Variants in C6 observed in about 807,000 individuals in gnomAD.
C6 encodes complement C6.
C6 carries 101 observed loss-of-function variants against 112.9 expected under a neutral mutation model. The observed-to-expected ratio is 0.89, with a 90% CI of 0.76 to 1.06. C6 has a LOEUF of 1.06. Ranked by LOEUF, C6 falls within the 50% of genes least tolerant of loss-of-function variation. C6 has a pLI of 0.00. For synonymous variants in C6, 431 were observed against 384.1 expected, an observed-to-expected ratio of 1.12 and a Z score of -1.43; for missense variants, 1,202 against 1,104.6, an observed-to-expected ratio of 1.09 and a Z score of -1.25.
chr5:41,163,709 C>T (rs996801719), intron 9 of C6, among the ~76,000 whole-genome samples: 2 of 152,130 alleles, frequency 1.3e-5, no homozygotes, highest in Admixed American at 1.3e-4. Context: ...CCATTTTTTA[C>T]ATTTGCATAT....
chr5:41,247,725 A>G (rs1038078070), intron 1 of C6, among the ~76,000 whole-genome samples: 1 of 151,924 alleles, frequency 6.6e-6, no homozygotes, highest in Non-Finnish European at 1.5e-5. Context: ...CTCAGAAAAA[A>G]AAAAAAAAAA....
intron 4 of C6, 40 bp from the exon 5 acceptor site, chr5:41,195,973 T>G (rs1205576850): frequency 1.2e-6 from 2 of 1,610,186 alleles, no homozygotes; most frequent in South Asian, 1.1e-5. Flanking sequence ...CAACAAATTA[T>G]CATTTTAGAA....
At chr5:41,239,882 G>A (rs1180175241) in intron 1 of C6, among the ~76,000 whole-genome samples, 1 of 152,204 alleles carries the variant, frequency 6.6e-6, no homozygotes, top group East Asian at 1.9e-4. Flanking sequence ...GCTGGATATA[G>A]TGTCCTTGTC....
At chr5:41,153,714 C>T (rs1161283627) in intron 15 of C6, 96 bp downstream of exon 15, 1 of 954,964 alleles carries the variant, frequency 1.0e-6, no homozygotes, top group African/African-American at 1.6e-5. Context: ...TTTTTAGCCT[C>T]TCAGTGCTTA....
intron 15 of C6, among the ~76,000 whole-genome samples, chr5:41,151,213 A>C (rs1746363177): frequency 6.6e-6 from 1 of 152,180 alleles, no homozygotes; most frequent in Non-Finnish European, 1.5e-5. Flanking sequence ...CTAATCTATG[A>C]GGTTATTGTG....
chr5:41,162,114 C>G, intron 9 of C6, among the ~76,000 whole-genome samples: 1 of 152,166 alleles, frequency 6.6e-6, no homozygotes, highest in East Asian at 1.9e-4. Flanking sequence ...TTACACACAT[C>G]TTATATAATT....
At chr5:41,241,988 G>A (rs548811742) in intron 1 of C6, among the ~76,000 whole-genome samples, 1 of 152,266 alleles carries the variant, frequency 6.6e-6, no homozygotes, top group South Asian at 2.1e-4. Flanking sequence ...ATAGTCCTAA[G>A]AGGGAGCTTA....
At position 41,161,741 on chromosome 5, in the gene C6, A is replaced by G; in HGVS notation, c.1410T>C (p.Ser470=). The G allele has an allele frequency of 6.2e-7, 1 of 1,613,686 alleles. No individual in the cohort carries two copies. Among genetic ancestry groups the G allele is most frequent in the Non-Finnish European group, 8.5e-7 (1 of 1,179,694 alleles). Residue 470 remains serine (S), a synonymous_variant, in exon 10 of 18, where the codon TCT becomes TCC. Coordinates refer to ENST00000337836, the MANE Select transcript of C6 (RefSeq NM_000065.5). ...GSSGLEEKTF[S]EWLESVKENP... is the part of the protein sequence containing the mutation. ...TTTCCTTCACTGATTCTAACCACTC[A>G]GAAAATGTCTTCTCCTCCAGACCAG... is the stretch of plus-strand genomic sequence containing the variant.
At chr5:41,202,549 G>A (rs1751108027) in intron 2 of C6, among the ~76,000 whole-genome samples, 1 of 152,116 alleles carries the variant, frequency 6.6e-6, no homozygotes, top group African/African-American at 2.4e-5. Flanking sequence ...CCTAACATGT[G>A]AGCATTTCCA....
chr5:41,217,209 A>G (rs1752226130), upstream of C6, among the ~76,000 whole-genome samples: 1 of 152,098 alleles, frequency 6.6e-6, no homozygotes, highest in Non-Finnish European at 1.5e-5. Flanking sequence ...CAGATGCTAC[A>G]TGATTCCTCC....
rs557864913 is a variant in C6, at chr5:41,160,235, G to A, written c.1591C>T (p.Arg531Ter). 1.1e-5 allele frequency: 17 copies of A among 1,613,828 alleles called. No individual in the cohort carries two copies. Among genetic ancestry groups the A allele is most frequent in the South Asian group, 5.5e-5 (5 of 91,072 alleles). Residue 531 changes from arginine to a stop codon, truncating the protein, a stop_gained, in exon 11 of 18, where the codon CGA becomes TGA. Transcript: ENST00000337836. LOFTEE classifies it high-confidence loss of function. ...CQCAPCPNNGRPTLSGTECLC... is the reference protein window; with the variant it reads ...CQCAPCPNNG ...CATTCAGTCCCTGAGAGGGTGGGTC[G>A]GCCATTATTAGGGCATGGAGCACAC...
chr5:41,181,260 C>T, intron 7 of C6, 99 bp downstream of exon 7: 2 of 1,086,354 alleles, frequency 1.8e-6, no homozygotes, highest in South Asian at 2.6e-5. Flanking sequence ...AGAAGTCATA[C>T]TGGTACAATA....
At chr5:41,178,152 A>G (rs895076673) in intron 7 of C6, among the ~76,000 whole-genome samples, 1 of 152,172 alleles carries the variant, frequency 6.6e-6, no homozygotes, top group Admixed American at 6.5e-5. Flanking sequence ...ATACATTACT[A>G]TAGGTTATTA....
chr5:41,242,077 G>A (rs1740745768), intron 1 of C6, among the ~76,000 whole-genome samples: 1 of 152,138 alleles, frequency 6.6e-6, no homozygotes. Flanking sequence ...AATTGGCATA[G>A]GAGCAGAAAG....
intron 9 of C6, among the ~76,000 whole-genome samples, chr5:41,169,640 G>A (rs1262703662): frequency 5.9e-5 from 9 of 152,098 alleles, no homozygotes. Context: ...TTGCAATCAT[G>A]GCAGAAGGTG....
rs758409456 is a variant in C6, at chr5:41,155,010, G to A, written c.2063C>T (p.Pro688Leu). 6.2e-7 allele frequency: 1 copy of A among 1,613,712 alleles called. No homozygotes were observed. The highest frequency in any genetic ancestry group is 1.1e-5 in the South Asian group (1 of 91,080). Residue 688 changes from proline (P) to leucine (L), a missense_variant, in exon 14 of 18, where the codon CCA becomes CTA. Coordinates refer to ENST00000337836, the MANE Select transcript of C6 (RefSeq NM_000065.5). ...TVGYQYFRCL[P>L]DGTWRQGDVE... ...ATCCCCTTGTCTCCAGGTCCCGTCTGGTAAGCATCTGAAGTACTGGTATCC... is the reference window on the plus strand; with the variant it reads ...ATCCCCTTGTCTCCAGGTCCCGTCTAGTAAGCATCTGAAGTACTGGTATCC...
chr5:41,235,077 G>GTT (rs11437301), intron 1 of C6, among the ~76,000 whole-genome samples: 1,476 of 132,754 alleles, frequency 0.011, 30 homozygotes, highest in African/African-American at 0.036. Flanking sequence ...TTTTTTTAAT[G>GTT]TTTTTTTTTT....
intron 8 of C6, chr5:41,172,586 A>C (rs1159314326): frequency 1.6e-5 from 9 of 565,438 alleles, no homozygotes; most frequent in Non-Finnish European, 2.9e-5. Flanking sequence ...CCCTTTCAGC[A>C]CTGACCCTCA....
chr5:41,189,871 T>C (rs1364396765), intron 5 of C6, among the ~76,000 whole-genome samples: 1 of 152,168 alleles, frequency 6.6e-6, no homozygotes, highest in Non-Finnish European at 1.5e-5. Flanking sequence ...GTAGTATTTA[T>C]GTTTTTGTTT....
Sources: gnomAD v4.1 joint callset for allele counts (sites outside exome capture counted in the v4.1 genomes callset) on GRCh38, gnomAD v4.1.1 for gene constraint, MANE v1.5 for transcripts, NCBI Gene and HGNC (gene_info 2026-07-23, HGNC 2026-07-21) for gene names.